The following MDGA2 variants were observed in gnomAD, a reference collection of about 807,000 sequenced individuals.
MDGA2 encodes the protein MAM domain-containing glycosylphosphatidylinositol anchor protein 2.
MDGA2 carries 40 observed loss-of-function variants against 117.8 expected under a neutral mutation model. The ratio of observed to expected loss-of-function variants is 0.34; its 90% CI spans 0.26 to 0.44. The LOEUF (loss-of-function observed/expected upper bound fraction) is 0.44. Among genes scored for constraint, MDGA2 ranks in the 20% least tolerant of loss-of-function variants. The pLI is 1.00. For missense variants in MDGA2, 1,123 were observed against 1,250.6 expected (o/e 0.90, Z 1.54); for synonymous variants, 452 against 439.0 (o/e 1.03, Z -0.37).
chr14:47,482,486 C>T (rs1176793006), intron 1 of MDGA2, among the ~76,000 whole-genome samples: 1 of 152,086 alleles, frequency 6.6e-6, no homozygotes, highest in African/African-American at 2.4e-5. Flanking sequence ...CGGGCTTCAG[C>T]TGCCTCATTC....
intron 8 of MDGA2, among the ~76,000 whole-genome samples, chr14:46,971,842 C>T (rs1219583907): frequency 1.3e-5 from 2 of 152,082 alleles, no homozygotes; most frequent in Non-Finnish European, 2.9e-5. Context: ...ATGCATGTAA[C>T]ACATCCTCAC....
At chr14:47,007,103 G>T (rs1230666298) in intron 8 of MDGA2, among the ~76,000 whole-genome samples, 1 of 151,694 alleles carries the variant, frequency 6.6e-6, no homozygotes, top group Non-Finnish European at 1.5e-5. Flanking sequence ...GATACATTGA[G>T]GACTTCATAT....
chr14:47,019,768 C>G (rs548025585), intron 8 of MDGA2, among the ~76,000 whole-genome samples: 1 of 149,294 alleles, frequency 6.7e-6, no homozygotes, highest in Non-Finnish European at 1.5e-5. Context: ...GACGTGAACC[C>G]GGGAGGCGGA....
chr14:47,593,620 C>T (rs185834607), intron 1 of MDGA2, among the ~76,000 whole-genome samples: 33 of 152,164 alleles, frequency 2.2e-4, no homozygotes, highest in Non-Finnish European at 1.5e-5. Context: ...AGCCAACTAC[C>T]ACAGGAACAG....
chr14:47,363,180 C>T (rs927230560), intron 1 of MDGA2, among the ~76,000 whole-genome samples: 4 of 152,036 alleles, frequency 2.6e-5, no homozygotes, highest in Non-Finnish European at 4.4e-5. Flanking sequence ...TACTATTAGA[C>T]TTCCTAACTT....
At chr14:47,627,011 G>A (rs1897157712) in intron 1 of MDGA2, among the ~76,000 whole-genome samples, 1 of 152,248 alleles carries the variant, frequency 6.6e-6, no homozygotes, top group African/African-American at 2.4e-5. Context: ...CTAGCTAAGG[G>A]ATTGTAAACA....
At chr14:47,320,181 G>T (rs752584596) in intron 1 of MDGA2, among the ~76,000 whole-genome samples, 8 of 152,116 alleles carry the variant, frequency 5.3e-5, no homozygotes, top group Non-Finnish European at 8.8e-5. Context: ...CATCCAGTTT[G>T]CAGTACTTTG....
chr14:47,303,002 G>A (rs1431448201), intron 1 of MDGA2, among the ~76,000 whole-genome samples: 1 of 151,946 alleles, frequency 6.6e-6, no homozygotes, highest in Admixed American at 6.6e-5. Flanking sequence ...CAAAATGATG[G>A]GTAAAAGTTT....
intron 1 of MDGA2, among the ~76,000 whole-genome samples, chr14:47,574,140 G>A (rs1896071185): frequency 6.6e-6 from 1 of 152,266 alleles, no homozygotes; most frequent in East Asian, 1.9e-4. Context: ...TTACATGCTA[G>A]AGTCAGACCA....
intron 1 of MDGA2, among the ~76,000 whole-genome samples, chr14:47,537,887 T>A (rs1895256695): frequency 6.6e-6 from 1 of 152,168 alleles, no homozygotes; most frequent in Non-Finnish European, 1.5e-5. Flanking sequence ...TAATAAATAT[T>A]TAGGAACCAG....
intron 1 of MDGA2, among the ~76,000 whole-genome samples, chr14:47,543,230 T>C (rs764060980): frequency 5.5e-4 from 83 of 151,918 alleles, no homozygotes; most frequent in African/African-American, 1.7e-3. Flanking sequence ...GCAGAGAAAA[T>C]AGATCTATAA....
At chr14:47,024,670 T>C (rs1471887168) in intron 8 of MDGA2, among the ~76,000 whole-genome samples, 2 of 152,170 alleles carry the variant, frequency 1.3e-5, no homozygotes, top group African/African-American at 2.4e-5. Context: ...AATACACATA[T>C]TAAATTTCAA....
intron 1 of MDGA2, among the ~76,000 whole-genome samples, chr14:47,600,199 T>A (rs1260968479): frequency 6.6e-6 from 1 of 152,006 alleles, no homozygotes; most frequent in African/African-American, 2.4e-5. Flanking sequence ...AGTTTGAGAC[T>A]AGCCTCGCCA....
chr14:47,035,435 G>A, intron 7 of MDGA2, 131 bp from the exon 8 acceptor site: 1 of 683,136 alleles, frequency 1.5e-6, no homozygotes, highest in South Asian at 2.0e-5. Flanking sequence ...CAAAAACCTT[G>A]GGAATAAATG....
rs928083410 is a variant in MDGA2, at chr14:47,217,939, G to A, written c.595+82C>T. ...CATTCTCAGCTAAACAGAACGCTAT[G>A]GTTTTTCAGAAAACCATAGACTTGT... On this transcript the variant is annotated intron_variant, in intron 3 of 16. Coordinates refer to ENST00000399232, the MANE Select transcript of MDGA2 (RefSeq NM_001113498.3). 1.8e-5 allele frequency: 21 copies of A among 1,164,178 alleles called. No individual in the cohort carries two copies. In the African/African-American group the frequency reaches 2.4e-4, roughly 13 times the overall value. The allele number at this position is 1,164,178 out of a possible 1,614,324, so 72.1% of individuals were successfully genotyped here.
At chr14:47,042,402 CT>C (rs762343326) in intron 7 of MDGA2, among the ~76,000 whole-genome samples, 1 of 149,072 alleles carries the variant, frequency 6.7e-6, no homozygotes, top group Admixed American at 6.9e-5. Context: ...AAAAAAATTG[CT>C]GTAGATTTGA....
chr14:47,544,940 T>G (rs1895429584), intron 1 of MDGA2, among the ~76,000 whole-genome samples: 1 of 152,228 alleles, frequency 6.6e-6, no homozygotes, highest in African/African-American at 2.4e-5. Flanking sequence ...AAATTTAATC[T>G]AATTTACTAA....
chr14:46,983,409 T>C (rs1192480683), intron 8 of MDGA2, among the ~76,000 whole-genome samples: 1 of 152,158 alleles, frequency 6.6e-6, no homozygotes, highest in Admixed American at 6.6e-5. Flanking sequence ...TTATGACTTA[T>C]AAATTTGAAA....
chr14:46,880,880 G>C (rs1373421068), intron 11 of MDGA2, among the ~76,000 whole-genome samples: 1 of 146,302 alleles, frequency 6.8e-6, no homozygotes, highest in Non-Finnish European at 1.5e-5. Flanking sequence ...ATTAATTCTA[G>C]ATAAAAGTTT....
Sources: allele counts gnomAD v4.1 joint callset (sites outside exome capture counted in the v4.1 genomes callset), GRCh38; gene constraint gnomAD v4.1.1; transcripts MANE v1.5; gene names NCBI Gene and HGNC (gene_info 2026-07-23, HGNC 2026-07-21).